The following WFDC10B variants were observed in gnomAD, a reference collection of about 807,000 sequenced individuals.
The protein encoded by WFDC10B is protein WFDC10B.
In WFDC10B, 1 loss-of-function variant was observed where a neutral mutation model predicts 2.7. The observed-to-expected ratio is 0.38, with a 90% CI of 0.13 to 1.79. The LOEUF is 1.79. Among genes scored for constraint, WFDC10B ranks in the 40% most tolerant of loss-of-function variants. The pLI is 0.33. For synonymous variants in WFDC10B, 26 were observed against 32.2 expected, an observed-to-expected ratio of 0.81 and a Z score of 0.65; for missense variants, 71 against 87.8, an observed-to-expected ratio of 0.81 and a Z score of 0.76.
At chr20:45,685,530 C>T (rs1415250166) in intron 3 of WFDC10B, among the ~76,000 whole-genome samples, 2 of 152,186 alleles carry the variant, frequency 1.3e-5, no homozygotes, top group Non-Finnish European at 2.9e-5. Context: ...TCTACACCTA[C>T]ACCTACCCTC....
chr20:45,686,983 A>G (rs189497229), intron 2 of WFDC10B, among the ~76,000 whole-genome samples: 197 of 152,280 alleles, frequency 1.3e-3, no homozygotes, highest in Non-Finnish European at 2.1e-3. Context: ...ATTCTTATCA[A>G]TTCATTACAC....
intron 2 of WFDC10B, among the ~76,000 whole-genome samples, chr20:45,695,423 T>C (rs1185527354): frequency 6.6e-6 from 1 of 152,148 alleles, no homozygotes; most frequent in African/African-American, 2.4e-5. Context: ...AACAACACTA[T>C]AAACCTAAGA....
intron 2 of WFDC10B, among the ~76,000 whole-genome samples, chr20:45,699,077 T>A (rs542501756): frequency 7.2e-5 from 11 of 152,160 alleles, no homozygotes; most frequent in Non-Finnish European, 1.6e-4. Flanking sequence ...AACCATGAGA[T>A]ACCACTTCAC....
At chr20:45,687,781 G>A (rs1033330650) in intron 2 of WFDC10B, among the ~76,000 whole-genome samples, 9 of 151,364 alleles carry the variant, frequency 5.9e-5, no homozygotes, top group East Asian at 1.9e-4. Flanking sequence ...CATGTTTATC[G>A]GCTGCATATA....
At chr20:45,690,970 T>C (rs1337951218) in intron 2 of WFDC10B, among the ~76,000 whole-genome samples, 1 of 152,236 alleles carries the variant, frequency 6.6e-6, no homozygotes, top group South Asian at 2.1e-4. Context: ...CTTGTGGGCA[T>C]TTAGTGTCAT....
chr20:45,692,154 A>C (rs2145637221), intron 2 of WFDC10B, among the ~76,000 whole-genome samples: 1 of 152,246 alleles, frequency 6.6e-6, no homozygotes, highest in East Asian at 1.9e-4. Flanking sequence ...AAGGATGTTG[A>C]ATATTGGTCC....
intron 2 of WFDC10B, among the ~76,000 whole-genome samples, chr20:45,701,837 A>C (rs1242898483): frequency 6.8e-6 from 1 of 147,786 alleles, no homozygotes; most frequent in African/African-American, 2.7e-5. Flanking sequence ...GGAAAATTAT[A>C]AAAAAATGTT....
intron 1 of WFDC10B, 112 bp from the exon 2 acceptor site, chr20:45,704,673 G>GT: frequency 6.6e-7 from 1 of 1,519,662 alleles, no homozygotes; most frequent in Non-Finnish European, 8.8e-7. Context: ...ACCAGCAACT[G>GT]TGCTGGATCT....
At position 45,701,764 on chromosome 20, in the gene WFDC10B, C is replaced by CAA. The variant is rs11480724; in HGVS notation, c.-65+2731_-65+2732dup. ...GTGACAGAGCCAGACTCCATCATCT[C>CAA]AAAAAAAAAAAAAAAAAATTCAATC... On this transcript the variant is annotated intron_variant, in intron 2 of 3. Coordinates refer to ENST00000330523, the MANE Select transcript of WFDC10B (RefSeq NM_172006.2). Among the ~76,000 whole-genome samples the CAA allele has an allele frequency of 1.3e-3, 113 of 89,092 alleles. 1 individual carries two copies. The highest frequency in any genetic ancestry group is 5.4e-3 in the South Asian group (14 of 2,616). 58.4% of individuals were successfully genotyped at this position (89,092 alleles called of 152,430 possible). A position where few individuals can be genotyped will look rare whatever the true frequency, so the allele number is the denominator to read the frequency against.
chr20:45,692,515 C>G (rs377586562), intron 2 of WFDC10B, among the ~76,000 whole-genome samples: 1 of 152,184 alleles, frequency 6.6e-6, no homozygotes, highest in African/African-American at 2.4e-5. Context: ...TCCCATATTT[C>G]TTGGAGGCTT....
intron 2 of WFDC10B, among the ~76,000 whole-genome samples, chr20:45,702,389 A>G (rs1003269316): frequency 2.6e-5 from 4 of 152,216 alleles, no homozygotes; most frequent in South Asian, 4.1e-4. Context: ...GACCTTGGGC[A>G]TAGTATCTGG....
intron 2 of WFDC10B, among the ~76,000 whole-genome samples, chr20:45,689,055 A>G (rs1008324794): frequency 2.7e-5 from 4 of 149,768 alleles, no homozygotes; most frequent in Non-Finnish European, 5.9e-5. Flanking sequence ...AGCTTTCTAC[A>G]TATGGCTAGC....
chr20:45,689,790 G>A (rs906816931), intron 2 of WFDC10B, among the ~76,000 whole-genome samples: 1 of 152,172 alleles, frequency 6.6e-6, no homozygotes, highest in African/African-American at 2.4e-5. Context: ...TCTGCAAACA[G>A]GGACAATTTG....
intron 2 of WFDC10B, chr20:45,701,962 T>A: frequency 1.6e-6 from 1 of 622,980 alleles, no homozygotes; most frequent in Non-Finnish European, 2.9e-6. Flanking sequence ...GATTGGGAGG[T>A]GCTTGGATTC....
intron 2 of WFDC10B, among the ~76,000 whole-genome samples, chr20:45,699,176 A>G (rs1022627505): frequency 1.3e-5 from 2 of 152,222 alleles, no homozygotes; most frequent in Non-Finnish European, 2.9e-5. Flanking sequence ...CATAGCTGAT[A>G]GAAGTATTAA....
chr20:45,694,032 A>C (rs1401520538), intron 2 of WFDC10B, among the ~76,000 whole-genome samples: 2 of 152,180 alleles, frequency 1.3e-5, no homozygotes, highest in African/African-American at 4.8e-5. Context: ...TGGATACTAG[A>C]CGTTTGTCAG....
chr20:45,699,921 C>G (rs1984098263), intron 2 of WFDC10B, among the ~76,000 whole-genome samples: 1 of 152,220 alleles, frequency 6.6e-6, no homozygotes, highest in East Asian at 1.9e-4. Context: ...TCATGATCTG[C>G]CCTCCTCAGC....
At chr20:45,698,366 T>C (rs1270743802) in intron 2 of WFDC10B, among the ~76,000 whole-genome samples, 1 of 152,066 alleles carries the variant, frequency 6.6e-6, no homozygotes, top group Non-Finnish European at 1.5e-5. Context: ...TTCATGACTA[T>C]GGATTGGGCA....
intron 2 of WFDC10B, among the ~76,000 whole-genome samples, chr20:45,688,417 A>G (rs995607142): frequency 2.6e-5 from 4 of 152,128 alleles, no homozygotes; most frequent in African/African-American, 4.8e-5. Flanking sequence ...GTCAAATGGT[A>G]TTTCTAGTTC....
Sources: gnomAD v4.1 joint callset for allele counts (sites outside exome capture counted in the v4.1 genomes callset) on GRCh38, gnomAD v4.1.1 for gene constraint, MANE v1.5 for transcripts, NCBI Gene and HGNC (gene_info 2026-07-23, HGNC 2026-07-21) for gene names.